Variants in SHC4 observed in about 807,000 individuals in gnomAD.
SHC4 encodes the protein SHC-transforming protein 4.
Under a neutral mutation model 69.4 loss-of-function variants are expected in SHC4, and 41 were observed. The observed-to-expected ratio is 0.59, with a 90% CI of 0.46 to 0.77. The LOEUF is 0.77. SHC4 is among the 30% of genes least tolerant of loss of function. SHC4 has a pLI of 0.00. For synonymous variants in SHC4, 318 were observed against 299.3 expected (o/e 1.06, Z -0.64); for missense variants, 777 against 783.8 (o/e 0.99, Z 0.10).
rs143859498 is a variant in SHC4, at chr15:48,899,881, G to C, written c.657-9070C>G. Reference sequence around the variant, plus strand: ...CTAGAGGTTTTGATTCTGAGGTGAGGCCTAGGAATCTACAGCTTAACAAAC... The same window carrying C: ...CTAGAGGTTTTGATTCTGAGGTGAGCCCTAGGAATCTACAGCTTAACAAAC... On this transcript the variant is annotated intron_variant, in intron 2 of 11. Coordinates refer to ENST00000332408, the MANE Select transcript of SHC4 (RefSeq NM_203349.4). Among the ~76,000 whole-genome samples, 40 of 152,292 alleles carry C rather than the reference G, an allele frequency of 2.6e-4. No homozygotes were observed. In the East Asian group the frequency reaches 7.1e-3, roughly 27 times the overall value.
chr15:48,848,888 T>C (rs1007768892), intron 9 of SHC4, among the ~76,000 whole-genome samples: 2 of 152,132 alleles, frequency 1.3e-5, no homozygotes, highest in African/African-American at 2.4e-5. Context: ...AGGGAAACCA[T>C]GTCCCCTTTT....
chr15:48,879,232 CAAGCCACAGTTATCA>C (rs1899892177), intron 4 of SHC4: 1 of 169,222 alleles, frequency 5.9e-6, no homozygotes, highest in African/African-American at 2.4e-5. Context: ...GTGATCTAGT[CAAGCCACAGTTATCA>C]AAGGCTACAT....
At position 48,875,898 on chromosome 15, in the gene SHC4, A is replaced by C. The variant is rs1899788937; in HGVS notation, c.841-3756T>G. 3.9e-5 allele frequency among the ~76,000 whole-genome samples: 6 copies of C among 152,228 alleles called. No homozygotes were observed. The South Asian group carries it at 1.2e-3, about 32-fold the overall frequency. On this transcript the variant is annotated intron_variant, in intron 4 of 11. Transcript: ENST00000332408. ...TAACAACATTTTGCAGTATGTGATTAAAATTATCAACCATATTATACATGC... is the reference window on the plus strand; with the variant it reads ...TAACAACATTTTGCAGTATGTGATTCAAATTATCAACCATATTATACATGC...
intron 3 of SHC4, among the ~76,000 whole-genome samples, chr15:48,886,056 AGACCAGCGT>A (rs1216563813): frequency 6.6e-6 from 1 of 152,212 alleles, no homozygotes; most frequent in Non-Finnish European, 1.5e-5. Flanking sequence ...CAGGAGTTCG[AGACCAGCGT>A]GACCAACATG....
At chr15:48,952,467 A>G (rs1343774721) in intron 1 of SHC4, among the ~76,000 whole-genome samples, 1 of 152,228 alleles carries the variant, frequency 6.6e-6, no homozygotes, top group African/African-American at 2.4e-5. Flanking sequence ...TCTGCACAGC[A>G]AAAGAAACTA....
intron 9 of SHC4, among the ~76,000 whole-genome samples, chr15:48,846,249 T>C (rs934860092): frequency 1.1e-4 from 16 of 152,270 alleles, no homozygotes; most frequent in African/African-American, 3.6e-4. Context: ...ATGAGTTAAT[T>C]AACCTCTCTA....
chr15:48,855,212 C>G (rs1331456373), intron 8 of SHC4, among the ~76,000 whole-genome samples: 1 of 151,132 alleles, frequency 6.6e-6, no homozygotes, highest in Non-Finnish European at 1.5e-5. Flanking sequence ...AAAACTAAAA[C>G]AAAAATAAAA....
intron 10 of SHC4, among the ~76,000 whole-genome samples, chr15:48,842,228 A>G (rs1899005591): frequency 6.6e-6 from 1 of 152,220 alleles, no homozygotes; most frequent in South Asian, 2.1e-4. Flanking sequence ...TTTTACCCAC[A>G]GTACATGGGT....
intron 2 of SHC4, among the ~76,000 whole-genome samples, chr15:48,902,861 C>T (rs949624663): frequency 6.6e-6 from 1 of 152,288 alleles, no homozygotes; most frequent in South Asian, 2.1e-4. Flanking sequence ...TCCTAGTAAA[C>T]CTTTTGCATT....
chr15:48,962,327 CA>C, intron 1 of SHC4, 103 bp downstream of exon 1: 1 of 1,239,510 alleles, frequency 8.1e-7, no homozygotes, highest in Non-Finnish European at 1.1e-6. Flanking sequence ...ATGTCCTGTC[CA>C]AACACAGAAC....
chr15:48,834,998 C>T lies in SHC4; in HGVS notation c.1508G>A (p.Gly503Asp). The T allele has an allele frequency of 6.2e-7, 1 of 1,612,138 alleles. No homozygotes were observed. Among genetic ancestry groups the T allele is most frequent in the Non-Finnish European group, 8.5e-7 (1 of 1,179,178 alleles). ...TGAGCTGGCAGGCTGGGCTGTGGCA[C>T]CCGGCTGAACAGTTTCTGGTGCCTC... ...CGKAPETVQP[G>D]ATAQPASSHS... Residue 503 changes from glycine (G) to aspartate (D), a missense_variant, in exon 11 of 12, where the codon GGT (glycine) becomes GAT (aspartate). Gly to Asp is a moderately conservative substitution (Grantham distance 94). Transcript: ENST00000332408.
chr15:48,936,903 G>C (rs1901081572), intron 1 of SHC4, among the ~76,000 whole-genome samples: 1 of 152,166 alleles, frequency 6.6e-6, no homozygotes, highest in African/African-American at 2.4e-5. Flanking sequence ...AGGGGAATTT[G>C]TTTGAACTAA....
rs545700739 is a variant in SHC4, at chr15:48,825,491, A to G, written c.*480T>C. The G allele has an allele frequency of 6.5e-6, 1 of 153,350 alleles. No individual in the cohort carries two copies. Among genetic ancestry groups the G allele is most frequent in the South Asian group, 2.1e-4 (1 of 4,858 alleles). 9.5% of individuals were successfully genotyped at this position (153,350 alleles called of 1,614,324 possible). On this transcript the variant is annotated 3_prime_UTR_variant, in exon 12 of 12. Transcript: ENST00000332408. ...AAATGTAATAAAGTCAATAAGGCTC[A>G]AGAAAATTGCTTATTTTTTGTAGCA...
chr15:48,945,076 G>A (rs531556713), intron 1 of SHC4, among the ~76,000 whole-genome samples: 49 of 152,256 alleles, frequency 3.2e-4, no homozygotes, highest in African/African-American at 9.9e-4. Context: ...CCTTGCTTTC[G>A]ATAACAGTGG....
intron 10 of SHC4, among the ~76,000 whole-genome samples, chr15:48,840,197 G>T (rs1898966343): frequency 6.6e-6 from 1 of 152,196 alleles, no homozygotes; most frequent in Non-Finnish European, 1.5e-5. Flanking sequence ...GAGCTTTTAG[G>T]TAAAAGAAAT....
intron 1 of SHC4, among the ~76,000 whole-genome samples, chr15:48,940,210 T>C (rs980251165): frequency 7.9e-5 from 12 of 152,234 alleles, no homozygotes; most frequent in Admixed American, 7.2e-4. Flanking sequence ...TTATATTTTG[T>C]ATTCTTGTCT....
chr15:48,938,543 C>T (rs1664978163), intron 1 of SHC4, among the ~76,000 whole-genome samples: 1 of 152,178 alleles, frequency 6.6e-6, no homozygotes, highest in South Asian at 2.1e-4. Context: ...CAGCATTGCA[C>T]TTCTCCTGCC....
chr15:48,919,174 T>G (rs1230100311), intron 2 of SHC4, among the ~76,000 whole-genome samples: 1 of 152,068 alleles, frequency 6.6e-6, no homozygotes, highest in Non-Finnish European at 1.5e-5. Context: ...CATAGGACAT[T>G]TTAAAATTTG....
chr15:48,900,729 C>A (rs1900306828), intron 2 of SHC4, among the ~76,000 whole-genome samples: 1 of 152,110 alleles, frequency 6.6e-6, no homozygotes. Flanking sequence ...TGGTTCTCAG[C>A]CTTGGCTGCA....
Sources: allele counts gnomAD v4.1 joint callset (sites outside exome capture counted in the v4.1 genomes callset), GRCh38; gene constraint gnomAD v4.1.1; transcripts MANE v1.5; gene names NCBI Gene and HGNC (gene_info 2026-07-23, HGNC 2026-07-21).